MRTFB: variants seen among roughly 807,000 people sequenced by gnomAD.
MRTFB encodes the protein myocardin-related transcription factor B.
MRTFB carries 29 observed loss-of-function variants against 104.2 expected under a neutral mutation model. The observed-to-expected ratio is 0.28, with a 90% CI of 0.21 to 0.38. MRTFB has a LOEUF of 0.38. MRTFB is among the 10% of genes least tolerant of loss of function. The pLI is 1.00. For missense variants in MRTFB, 1,270 were observed against 1,341.6 expected (o/e 0.95, Z 0.83); for synonymous variants, 535 against 519.5 (o/e 1.03, Z -0.41).
chr16:14,101,662 G>A (rs1376016908), intron 2 of MRTFB, among the ~76,000 whole-genome samples: 1 of 152,186 alleles, frequency 6.6e-6, no homozygotes, highest in Non-Finnish European at 1.5e-5. Flanking sequence ...AAGTGTTGCT[G>A]ACAAGATTCT....
chr16:14,178,642 G>A (rs1003125841), intron 3 of MRTFB, among the ~76,000 whole-genome samples: 1 of 152,164 alleles, frequency 6.6e-6, no homozygotes, highest in African/African-American at 2.4e-5. Flanking sequence ...GAGTTATATG[G>A]TGGACTAGTG....
chr16:14,131,455 T>C (rs2037435056), intron 2 of MRTFB, among the ~76,000 whole-genome samples: 1 of 152,146 alleles, frequency 6.6e-6, no homozygotes, highest in African/African-American at 2.4e-5. Flanking sequence ...ATAGAAAAAT[T>C]TGACTTATTC....
chr16:14,136,674 A>G (rs2037737983), intron 2 of MRTFB, among the ~76,000 whole-genome samples: 1 of 152,162 alleles, frequency 6.6e-6, no homozygotes, highest in Non-Finnish European at 1.5e-5. Context: ...TAAGACAATT[A>G]TTATTGGTTC....
intron 16 of MRTFB, among the ~76,000 whole-genome samples, chr16:14,260,540 C>G (rs1274421733): frequency 1.3e-5 from 2 of 151,968 alleles, no homozygotes; most frequent in Non-Finnish European, 2.9e-5. Flanking sequence ...AATAACGACT[C>G]AAAGATAAAA....
the MRTFB span, among the ~76,000 whole-genome samples, chr16:14,011,158 A>G: frequency 6.6e-6 from 1 of 152,192 alleles, no homozygotes; most frequent in African/African-American, 2.4e-5. Context: ...TTGTTGGGCG[A>G]TGTCATCCCA....
At chr16:14,121,435 C>T (rs959963965) in intron 2 of MRTFB, among the ~76,000 whole-genome samples, 5 of 152,092 alleles carry the variant, frequency 3.3e-5, no homozygotes, top group African/African-American at 1.2e-4. Flanking sequence ...AGAGCGATGT[C>T]ACGATGCTCC....
chr16:14,124,211 CAG>C (rs1329287588), intron 2 of MRTFB, among the ~76,000 whole-genome samples: 1 of 152,176 alleles, frequency 6.6e-6, no homozygotes, highest in African/African-American at 2.4e-5. Context: ...TATCTGCAAA[CAG>C]AGACAATTTG....
intron 3 of MRTFB, among the ~76,000 whole-genome samples, chr16:14,192,365 C>A (rs770774575): frequency 2.0e-5 from 3 of 152,022 alleles, no homozygotes; most frequent in Admixed American, 6.6e-5. Flanking sequence ...CAGAACAAGA[C>A]CCCTGTATCA....
chr16:14,152,559 A>T (rs1395173612), intron 3 of MRTFB: 1 of 152,046 alleles, frequency 6.6e-6, no homozygotes, highest in Non-Finnish European at 1.5e-5. Flanking sequence ...TTCTTTTTTT[A>T]AAAAGAAGAA....
At chr16:14,146,814 T>C (rs1023563205) in intron 3 of MRTFB, among the ~76,000 whole-genome samples, 33 of 152,182 alleles carry the variant, frequency 2.2e-4, no homozygotes, top group Non-Finnish European at 8.8e-5. Flanking sequence ...TGGGCAAAAC[T>C]GGGTTCTTGA....
At chr16:14,016,717 G>T in the MRTFB span, among the ~76,000 whole-genome samples, 1 of 141,744 alleles carries the variant, frequency 7.1e-6, no homozygotes, top group African/African-American at 2.7e-5. Flanking sequence ...AGGTTGCGGC[G>T]AGCCGAGATC....
chr16:14,074,490 A>G (rs2033916784), intron 1 of MRTFB, among the ~76,000 whole-genome samples: 1 of 152,190 alleles, frequency 6.6e-6, no homozygotes, highest in African/African-American at 2.4e-5. Flanking sequence ...AATGAATACT[A>G]TGCACATATC....
At chr16:14,092,128 C>A (rs1319277162) in intron 2 of MRTFB, among the ~76,000 whole-genome samples, 1 of 151,652 alleles carries the variant, frequency 6.6e-6, no homozygotes, top group African/African-American at 2.4e-5. Context: ...AAGTTTAGAT[C>A]AGCTTAGTAC....
chr16:14,227,992 C>T (rs1262258787), intron 8 of MRTFB, among the ~76,000 whole-genome samples: 1 of 151,070 alleles, frequency 6.6e-6, no homozygotes, highest in Non-Finnish European at 1.5e-5. Context: ...GAATAGACAT[C>T]CTTCTTAAGA....
intron 2 of MRTFB, among the ~76,000 whole-genome samples, chr16:14,128,363 G>A (rs879602286): frequency 6.6e-6 from 1 of 152,184 alleles, no homozygotes; most frequent in Non-Finnish European, 1.5e-5. Flanking sequence ...GTCTCGACCA[G>A]TTGGAACTGG....
intron 3 of MRTFB, chr16:14,200,454 A>T: frequency 6.2e-7 from 1 of 1,610,278 alleles, no homozygotes; most frequent in Non-Finnish European, 8.5e-7. Flanking sequence ...AAAATCAGAC[A>T]TCCAGTAGCA....
chr16:14,186,725 A>C, intron 3 of MRTFB: 1 of 1,425,828 alleles, frequency 7.0e-7, no homozygotes, highest in South Asian at 1.5e-5. Flanking sequence ...GTGTATTTGC[A>C]GGTCAAGCTG....
chr16:14,258,056 A>C, intron 15 of MRTFB, 45 bp from the exon 16 acceptor site: 1 of 1,522,554 alleles, frequency 6.6e-7, no homozygotes, highest in Non-Finnish European at 9.1e-7. Flanking sequence ...TAATGCTTCC[A>C]GGTTTGTATG....
rs993593904 is a variant in MRTFB at position 14,218,965 on chromosome 16, G to A, written c.660G>A (p.Ser220=). The A allele has an allele frequency of 1.5e-5, 24 of 1,613,784 alleles. No individual in the cohort carries two copies. Among genetic ancestry groups the A allele is most frequent in the South Asian group, 2.2e-5 (2 of 91,034 alleles). The part of the protein sequence containing the change: ...ASPSEPKVSE[S]PSPVTTNTPA... ...CAAGTGAGCCAAAAGTTAGTGAATC[G>A]CCATCTCCTGTGACTACAAACACTC... is the stretch of plus-strand genomic sequence containing the variant. Residue 220 remains serine, a synonymous_variant, in exon 8 of 17, where the codon TCG becomes TCA. Transcript: ENST00000571589.
Sources: allele counts gnomAD v4.1 joint callset (sites outside exome capture counted in the v4.1 genomes callset), GRCh38; gene constraint gnomAD v4.1.1; transcripts MANE v1.5; gene names NCBI Gene and HGNC (gene_info 2026-07-23, HGNC 2026-07-21).